SORCS2: variants seen among roughly 807,000 people sequenced by gnomAD.
SORCS2 encodes VPS10 domain-containing receptor SorCS2.
SORCS2 carries 100 observed loss-of-function variants against 141.6 expected under a neutral mutation model. The observed-to-expected ratio is 0.71, with a 90% CI of 0.60 to 0.83. SORCS2 has a LOEUF of 0.83. SORCS2 is among the 40% of genes least tolerant of loss of function. The pLI is 0.00. For synonymous variants in SORCS2, 789 were observed against 676.9 expected (o/e 1.17, Z -2.57); for missense variants, 1,646 against 1,560.2 (o/e 1.05, Z -0.93).
chr4:7,683,894 C>T (rs991866699), intron 10 of SORCS2, among the ~76,000 whole-genome samples: 8 of 152,176 alleles, frequency 5.3e-5, no homozygotes, highest in Non-Finnish European at 1.0e-4. Context: ...ACCAGGGATC[C>T]AGGTGGTGCA....
chr4:7,352,331 C>A (rs992872692), intron 1 of SORCS2, among the ~76,000 whole-genome samples: 4 of 152,238 alleles, frequency 2.6e-5, no homozygotes, highest in African/African-American at 7.2e-5. Context: ...GTGAATGAGG[C>A]AATGACCTAG....
intron 3 of SORCS2, among the ~76,000 whole-genome samples, chr4:7,635,926 G>C (rs1257045916): frequency 6.6e-6 from 1 of 151,938 alleles, no homozygotes; most frequent in East Asian, 1.9e-4. Context: ...TCCCTGGAAA[G>C]AAAGAATCTA....
intron 2 of SORCS2, among the ~76,000 whole-genome samples, chr4:7,481,499 T>C (rs1428122890): frequency 6.6e-6 from 1 of 152,128 alleles, no homozygotes; most frequent in East Asian, 1.9e-4. Context: ...GGAGTCGGCA[T>C]CCGGCAGGGA....
At chr4:7,434,411 CCT>C in intron 2 of SORCS2, 1 of 1,608,318 alleles carries the variant, frequency 6.2e-7, no homozygotes, top group Non-Finnish European at 8.5e-7. Context: ...TCAAAGGTGT[CCT>C]CTTTGGAGAG....
At chr4:7,676,923 CCTCT>C (rs1193663110) in intron 9 of SORCS2, among the ~76,000 whole-genome samples, 1 of 35,914 alleles carries the variant, frequency 2.8e-5, no homozygotes, top group African/African-American at 9.6e-5. Flanking sequence ...TCCCTCTCTC[CCTCT>C]CTCCCTCTCT....
intron 2 of SORCS2, among the ~76,000 whole-genome samples, chr4:7,439,503 C>T (rs1024811160): frequency 6.6e-6 from 1 of 152,242 alleles, no homozygotes; most frequent in African/African-American, 2.4e-5. Context: ...CACACATCTT[C>T]ACACACCTGC....
At position 7,328,192 on chromosome 4, in the gene SORCS2, ATT is replaced by A. The variant is rs377012517; in HGVS notation, c.481-68081_481-68080del. 6.4e-4 allele frequency among the ~76,000 whole-genome samples: 86 copies of A among 134,000 alleles called. 1 individual carries two copies. The highest frequency in any genetic ancestry group is 1.8e-3 in the African/African-American group (64 of 36,380). The allele number at this position is 134,000 out of a possible 152,430, so 87.9% of individuals were successfully genotyped here. Reference sequence around the variant, plus strand: ...AGGCACCCACCACCATGCCTGGCTAATTTTTTTTTTTTTTTTCATTTTTAGTA... The same window carrying A: ...AGGCACCCACCACCATGCCTGGCTAATTTTTTTTTTTTTTCATTTTTAGTA... On this transcript the variant is annotated intron_variant, in intron 1 of 26. Transcript: ENST00000507866.
At chr4:7,544,847 T>G (rs2109606854) in intron 3 of SORCS2, among the ~76,000 whole-genome samples, 1 of 152,288 alleles carries the variant, frequency 6.6e-6, no homozygotes, top group Non-Finnish European at 1.5e-5. Flanking sequence ...GGGCTGTTCC[T>G]GTGAGGGGTG....
intron 2 of SORCS2, among the ~76,000 whole-genome samples, chr4:7,514,663 T>C (rs1732867150): frequency 6.6e-6 from 1 of 151,742 alleles, no homozygotes; most frequent in Non-Finnish European, 1.5e-5. Flanking sequence ...TTTCCTGGGG[T>C]GTACAATGGA....
rs534732084 is a variant in SORCS2, at chr4:7,393,709, G to A, written c.481-2579G>A. Among the ~76,000 whole-genome samples the A allele has an allele frequency of 8.5e-4, 129 of 152,272 alleles. 2 individuals are homozygous for A. The highest frequency in any genetic ancestry group is 2.3e-3 in the African/African-American group (95 of 41,550). On this transcript the variant is annotated intron_variant, in intron 1 of 26. Coordinates refer to ENST00000507866, the MANE Select transcript of SORCS2 (RefSeq NM_020777.3). ...GGTTGCTGTAACTGTGGGGCTCGTC[G>A]GTGGCAGGGCTGAAACCAGTGGTTA...
chr4:7,425,294 A>G (rs370014138), intron 2 of SORCS2, among the ~76,000 whole-genome samples: 4 of 152,214 alleles, frequency 2.6e-5, no homozygotes, highest in South Asian at 4.1e-4. Context: ...TTTGGCAAGC[A>G]CCTGCTCTCT....
At chr4:7,527,976 T>G (rs1222026591) in intron 2 of SORCS2, among the ~76,000 whole-genome samples, 2 of 152,108 alleles carry the variant, frequency 1.3e-5, no homozygotes, top group African/African-American at 4.8e-5. Context: ...GACGTGCCTG[T>G]TGGCATCGCT....
At chr4:7,355,944 C>T (rs565011198) in intron 1 of SORCS2, among the ~76,000 whole-genome samples, 1 of 152,358 alleles carries the variant, frequency 6.6e-6, no homozygotes, top group East Asian at 1.9e-4. Context: ...AATGCTCCAC[C>T]TGCCCTCTGC....
chr4:7,236,912 C>T (rs1430895155), intron 1 of SORCS2, among the ~76,000 whole-genome samples: 2 of 152,230 alleles, frequency 1.3e-5, no homozygotes, highest in African/African-American at 4.8e-5. Flanking sequence ...TCTCATCTCA[C>T]AGGAGAAACT....
At chr4:7,681,056 G>A (rs902136187) in intron 9 of SORCS2, among the ~76,000 whole-genome samples, 3 of 152,204 alleles carry the variant, frequency 2.0e-5, no homozygotes, top group Non-Finnish European at 2.9e-5. Context: ...TGAGACTTTT[G>A]ACTTTGAATG....
chr4:7,539,666 G>C (rs1043876617), intron 3 of SORCS2, among the ~76,000 whole-genome samples: 1 of 85,118 alleles, frequency 1.2e-5, no homozygotes, highest in Admixed American at 1.4e-4. Flanking sequence ...CTCCTTCCCA[G>C]CTGCAAGGCC....
rs1450526292 is a variant in SORCS2, at chr4:7,661,555, C to G, written c.943C>G (p.Leu315Val). Residue 315 changes from leucine to valine, a missense_variant, in exon 6 of 27, where the codon CTC becomes GTC. By Grantham distance (32) the Leu-to-Val change is conservative. Coordinates refer to ENST00000507866, the MANE Select transcript of SORCS2 (RefSeq NM_020777.3). ...CTTGGTCCACGTGGAAGCCCAAGAC[C>G]TCGGTGGAGGTAAGCCGGGCAGTGC... ...PDLVHVEAQD[L>V]GGDFRYVTCA... is the part of the protein sequence containing the mutation. 6.4e-7 allele frequency: 1 copy of G among 1,551,766 alleles called. No individual in the cohort carries two copies. Among genetic ancestry groups the G allele is most frequent in the Non-Finnish European group, 8.7e-7 (1 of 1,147,142 alleles).
At chr4:7,545,324 A>C (rs1306407907) in intron 3 of SORCS2, among the ~76,000 whole-genome samples, 1 of 152,218 alleles carries the variant, frequency 6.6e-6, no homozygotes, top group African/African-American at 2.4e-5. Flanking sequence ...CCCCAGGCTC[A>C]GGGGCACACA....
intron 2 of SORCS2, among the ~76,000 whole-genome samples, chr4:7,457,409 T>G (rs1323839736): frequency 4.0e-5 from 6 of 151,662 alleles, no homozygotes; most frequent in Admixed American, 3.9e-4. Context: ...CCAGTGAACA[T>G]CGCAAGCTGG....
Sources: gnomAD v4.1 joint callset for allele counts (sites outside exome capture counted in the v4.1 genomes callset) on GRCh38, gnomAD v4.1.1 for gene constraint, MANE v1.5 for transcripts, NCBI Gene and HGNC (gene_info 2026-07-23, HGNC 2026-07-21) for gene names.